The following LIMK2 variants were observed in gnomAD, a reference collection of about 807,000 sequenced individuals.
The protein encoded by LIMK2 is LIM domain kinase 2.
LIMK2 carries 35 observed loss-of-function variants against 75.7 expected under a neutral mutation model. The observed-to-expected ratio is 0.46, with a 90% CI of 0.35 to 0.61. LIMK2 has a LOEUF of 0.61. Ranked by LOEUF, LIMK2 falls within the 20% of genes least tolerant of loss-of-function variation. The probability of loss-of-function intolerance (pLI) is 0.00; values close to 1 mark genes in which losing one functional copy is unlikely to be tolerated. For missense variants in LIMK2, 623 were observed against 831.0 expected (o/e 0.75, Z 3.08); for synonymous variants, 301 against 319.2 (o/e 0.94, Z 0.61).
Position 31,279,918 on chromosome 22 carries a change from T to G in LIMK2, c.*1477T>G, listed in dbSNP as rs2049069766. On this transcript the variant is annotated 3_prime_UTR_variant, in exon 16 of 16. Transcript: ENST00000331728. Reference sequence around the variant, plus strand: ...ATAGACTGTACTTATGTGTGAAGTTTGCAAGCTTGCTTTAGGGCTGAGCCC... The same window carrying G: ...ATAGACTGTACTTATGTGTGAAGTTGGCAAGCTTGCTTTAGGGCTGAGCCC... The G allele has an allele frequency of 6.6e-6, 1 of 152,296 alleles. No individual in the cohort carries two copies. The allele number at this position is 152,296 out of a possible 1,614,324, so 9.4% of individuals were successfully genotyped here. A position where few individuals can be genotyped will look rare whatever the true frequency, so the allele number is the denominator to read the frequency against.
At chr22:31,248,194 T>C (rs1198755320) in intron 2 of LIMK2, among the ~76,000 whole-genome samples, 1 of 152,136 alleles carries the variant, frequency 6.6e-6, no homozygotes, top group Non-Finnish European at 1.5e-5. Context: ...GTCCCAGTTA[T>C]TGTCTGCAGC....
intron 2 of LIMK2, among the ~76,000 whole-genome samples, chr22:31,242,869 A>G (rs1291928386): frequency 6.6e-6 from 1 of 152,208 alleles, no homozygotes; most frequent in Non-Finnish European, 1.5e-5. Context: ...GCTTGTTCAC[A>G]TATGTTCTCA....
chr22:31,232,741 C>A (rs1349144052), intron 2 of LIMK2, among the ~76,000 whole-genome samples: 1 of 152,044 alleles, frequency 6.6e-6, no homozygotes, highest in East Asian at 1.9e-4. Context: ...GGACTACAGG[C>A]ACACACTACC....
chr22:31,256,998 G>A (rs1047818901), intron 2 of LIMK2, among the ~76,000 whole-genome samples: 1 of 147,400 alleles, frequency 6.8e-6, no homozygotes, highest in African/African-American at 2.5e-5. Context: ...TTTGAGAGGT[G>A]GAGCTTCATA....
chr22:31,220,450 C>T (rs1460316371), intron 1 of LIMK2, among the ~76,000 whole-genome samples: 1 of 152,050 alleles, frequency 6.6e-6, no homozygotes, highest in East Asian at 1.9e-4. Context: ...TGCACCAGGC[C>T]CAAGGTTAGG....
Position 31,279,071 on chromosome 22 carries a change from C to G in LIMK2, c.*630C>G, listed in dbSNP as rs989796836. 6.6e-6 allele frequency: 1 copy of G among 152,222 alleles called. No homozygotes were observed. Among genetic ancestry groups the G allele is most frequent in the African/African-American group, 2.4e-5 (1 of 41,434 alleles). The allele number at this position is 152,222 out of a possible 1,614,324, so 9.4% of individuals were successfully genotyped here. On this transcript the variant is annotated 3_prime_UTR_variant, in exon 16 of 16. Coordinates refer to ENST00000331728, the MANE Select transcript of LIMK2 (RefSeq NM_005569.4). Reference sequence around the variant, plus strand: ...GCTTCTGTTTACCTGCTCACTGGCTCTAGCCAGCCCAGGGACCACATCAAT... The same window carrying G: ...GCTTCTGTTTACCTGCTCACTGGCTGTAGCCAGCCCAGGGACCACATCAAT...
intron 15 of LIMK2, chr22:31,275,600 TCGA>T: frequency 5.5e-6 from 2 of 363,330 alleles, no homozygotes; most frequent in South Asian, 4.5e-5. Flanking sequence ...TATTCATCTT[TCGA>T]TATTCCCCTG....
intron 2 of LIMK2, among the ~76,000 whole-genome samples, chr22:31,239,463 T>G (rs1395370313): frequency 6.6e-6 from 1 of 152,224 alleles, no homozygotes; most frequent in Non-Finnish European, 1.5e-5. Context: ...TCTTTATGCC[T>G]CAGTGCATTT....
chr22:31,258,740 T>C (rs2123834921), intron 3 of LIMK2: 2 of 390,584 alleles, frequency 5.1e-6, no homozygotes, highest in South Asian at 7.0e-5. Flanking sequence ...AGGTTGTCTT[T>C]AGGGAATCAG....
At chr22:31,222,372 CTTTTTTTTT>C (rs3068235) in intron 1 of LIMK2, among the ~76,000 whole-genome samples, 1 of 55,198 alleles carries the variant, frequency 1.8e-5, no homozygotes, top group Admixed American at 2.8e-4. Context: ...TGCCCAGCCT[CTTTTTTTTT>C]TTTTTTTTTT....
At chr22:31,230,474 C>T (rs895329828) in intron 2 of LIMK2, among the ~76,000 whole-genome samples, 1 of 152,090 alleles carries the variant, frequency 6.6e-6, no homozygotes, top group Non-Finnish European at 1.5e-5. Flanking sequence ...GAAAAGCTAC[C>T]CCTATTAGTC....
At chr22:31,216,468 G>T (rs1480425183) in intron 1 of LIMK2, among the ~76,000 whole-genome samples, 3 of 152,118 alleles carry the variant, frequency 2.0e-5, no homozygotes, top group Non-Finnish European at 4.4e-5. Flanking sequence ...TCTACAGTAG[G>T]CACCGTAGGT....
Position 31,257,040 on chromosome 22 carries a change from A to ATT in LIMK2, c.117-1218_117-1217dup, listed in dbSNP as rs529919320. On this transcript the variant is annotated intron_variant, in intron 2 of 15. Coordinates refer to ENST00000331728, the MANE Select transcript of LIMK2 (RefSeq NM_005569.4). ...TCATTAGGGGAGAAGGGAGCTATAG[A>ATT]TTTTTTTTTTTTTTTTTTTTTTTTT... 4.4e-3 allele frequency among the ~76,000 whole-genome samples: 327 copies of ATT among 75,034 alleles called. 14 individuals carry two copies. Among genetic ancestry groups the ATT allele is most frequent in the South Asian group, 0.01 (14 of 1,362 alleles). The allele number at this position is 75,034 out of a possible 152,430, so 49.2% of individuals were successfully genotyped here. A position where few individuals can be genotyped will look rare whatever the true frequency, so the allele number is the denominator to read the frequency against.
At chr22:31,213,722 T>C (rs2048367229) in intron 1 of LIMK2, among the ~76,000 whole-genome samples, 1 of 152,094 alleles carries the variant, frequency 6.6e-6, no homozygotes, top group Non-Finnish European at 1.5e-5. Flanking sequence ...TTGGGCAATA[T>C]AGCGAGACTT....
chr22:31,256,286 C>T (rs1409001234), intron 2 of LIMK2, among the ~76,000 whole-genome samples: 16 of 144,748 alleles, frequency 1.1e-4, no homozygotes, highest in East Asian at 4.3e-4. Flanking sequence ...TGTGAGCCAC[C>T]GCGCCCTGCC....
At chr22:31,269,038 G>GTTTT (rs1243167310) in intron 11 of LIMK2, among the ~76,000 whole-genome samples, 1 of 100,934 alleles carries the variant, frequency 9.9e-6, no homozygotes. Flanking sequence ...TGGTTTTTTT[G>GTTTT]TTTGTTTGTT....
chr22:31,258,188 A>G, intron 2 of LIMK2, 103 bp from the exon 3 acceptor site: 2 of 1,261,678 alleles, frequency 1.6e-6, no homozygotes, highest in Non-Finnish European at 2.2e-6. Flanking sequence ...CTTTGGATCA[A>G]AGAGGACTGT....
At chr22:31,215,493 CTG>C (rs1443735219) in intron 1 of LIMK2, among the ~76,000 whole-genome samples, 1 of 152,102 alleles carries the variant, frequency 6.6e-6, no homozygotes, top group Non-Finnish European at 1.5e-5. Flanking sequence ...TATGAAGAAA[CTG>C]AGGCTCAGGG....
At chr22:31,226,378 T>C (rs900063819) in intron 2 of LIMK2, among the ~76,000 whole-genome samples, 1 of 150,760 alleles carries the variant, frequency 6.6e-6, no homozygotes, top group Non-Finnish European at 1.5e-5. Flanking sequence ...AATTTTTGTA[T>C]TTTAGTGGAG....
Sources: gnomAD v4.1 joint callset for allele counts (sites outside exome capture counted in the v4.1 genomes callset) on GRCh38, gnomAD v4.1.1 for gene constraint, MANE v1.5 for transcripts, NCBI Gene and HGNC (gene_info 2026-07-23, HGNC 2026-07-21) for gene names.